Variants in ANK2 observed in about 807,000 individuals in gnomAD.
The protein encoded by ANK2 is ankyrin-2.
ANK2 carries 83 observed loss-of-function variants against 360.5 expected under a neutral mutation model. The observed-to-expected ratio is 0.23, with a 90% CI of 0.19 to 0.28. ANK2 has a LOEUF of 0.28. ANK2 is among the 10% of genes least tolerant of loss of function. The pLI, the probability that ANK2 is intolerant of heterozygous loss-of-function variation, is 1.00. For missense variants in ANK2, 4,201 were observed against 4,795.7 expected, an observed-to-expected ratio of 0.88 and a Z score of 3.66; for synonymous variants, 1,740 against 1,759.5, an observed-to-expected ratio of 0.99 and a Z score of 0.28.
intron 1 of ANK2, among the ~76,000 whole-genome samples, chr4:113,164,574 C>G (rs1301797932): frequency 6.6e-6 from 1 of 152,198 alleles, no homozygotes; most frequent in Non-Finnish European, 1.5e-5. Context: ...AGCAGATGGT[C>G]TCTGAAGCTG....
rs1334949502 is a variant in ANK2 at position 113,330,357 on chromosome 4, C to T, written c.3012C>T (p.Val1004=). 6.2e-7 allele frequency: 1 copy of T among 1,614,114 alleles called. No homozygotes were observed. Among genetic ancestry groups the T allele is most frequent in the Non-Finnish European group, 8.5e-7 (1 of 1,180,056 alleles). ...GGAAATGTACTGCTCCAACGCGAGT[C>T]ACCTGCCGACTGGTCAAGCGCCACA... The part of the protein sequence containing the change: ...PPRKCTAPTR[V]TCRLVKRHRL... Residue 1004 remains valine, a synonymous_variant, in exon 27 of 46, where the codon GTC becomes GTT. Transcript: ENST00000357077.
At chr4:112,966,956 C>T (rs1217798027) in intron 2 of ANK2, among the ~76,000 whole-genome samples, 1 of 152,152 alleles carries the variant, frequency 6.6e-6, no homozygotes, top group Non-Finnish European at 1.5e-5. Context: ...GGGAGCATGT[C>T]AAGCAAATTG....
In ANK2 at chr4:113,381,731, A is replaced by T; in HGVS notation, c.*260A>T. On this transcript the variant is annotated 3_prime_UTR_variant, in exon 46 of 46. Transcript: ENST00000357077. ...GGGGAGTGACCTAACTGGCCTAATT[A>T]ATGGGATACCCCGACATTTCCACTG... 7.4e-7 allele frequency: 1 copy of T among 1,345,338 alleles called. No homozygotes were observed. The highest frequency in any genetic ancestry group is 1.0e-6 in the Non-Finnish European group (1 of 984,140). The allele number at this position is 1,345,338 out of a possible 1,614,324, so 83.3% of individuals were successfully genotyped here.
intron 45 of ANK2, among the ~76,000 whole-genome samples, chr4:113,376,127 G>T (rs1032766535): frequency 2.0e-5 from 3 of 152,146 alleles, no homozygotes; most frequent in Non-Finnish European, 4.4e-5. Flanking sequence ...GGCATAAGTG[G>T]GTTTTAATGA....
intron 1 of ANK2, among the ~76,000 whole-genome samples, chr4:112,847,310 TTCTC>T (rs914054739): frequency 2.0e-5 from 3 of 152,182 alleles, no homozygotes; most frequent in Admixed American, 6.5e-5. Context: ...CCTACCACTT[TTCTC>T]TCTCTCAGTG....
At chr4:113,183,887 T>C (rs1455163652) in intron 2 of ANK2, among the ~76,000 whole-genome samples, 4 of 150,738 alleles carry the variant, frequency 2.7e-5, no homozygotes, top group African/African-American at 9.9e-5. Context: ...GGACAAGGAA[T>C]GGCATCAAGA....
At chr4:112,726,217 G>A in the ANK2 span, among the ~76,000 whole-genome samples, 1 of 152,192 alleles carries the variant, frequency 6.6e-6, no homozygotes, top group Admixed American at 6.6e-5. Context: ...CATGATAGGA[G>A]AGGAGAGTGG....
chr4:112,866,207 GTCC>G (rs2150180258), intron 1 of ANK2, among the ~76,000 whole-genome samples: 1 of 152,244 alleles, frequency 6.6e-6, no homozygotes, highest in East Asian at 1.9e-4. Flanking sequence ...TGTAATTTAT[GTCC>G]TCCTATCTCC....
intron 1 of ANK2, among the ~76,000 whole-genome samples, chr4:113,132,288 C>T (rs775768608): frequency 2.0e-5 from 3 of 151,866 alleles, no homozygotes; most frequent in Non-Finnish European, 4.4e-5. Flanking sequence ...AATGCATTTC[C>T]GTTTTTATAT....
At chr4:112,771,379 A>C in the ANK2 span, among the ~76,000 whole-genome samples, 2 of 152,138 alleles carry the variant, frequency 1.3e-5, no homozygotes, top group Non-Finnish European at 2.9e-5. Flanking sequence ...CAGCCTCCTA[A>C]AGTGCTGGGA....
intron 1 of ANK2, among the ~76,000 whole-genome samples, chr4:113,076,290 T>C (rs968172968): frequency 6.6e-6 from 1 of 152,248 alleles, no homozygotes; most frequent in South Asian, 2.1e-4. Context: ...CTTGGCCGCA[T>C]GTGGCCTGCG....
At chr4:112,838,815 G>C (rs1300588417) in intron 1 of ANK2, among the ~76,000 whole-genome samples, 5 of 152,230 alleles carry the variant, frequency 3.3e-5, no homozygotes, top group Non-Finnish European at 7.3e-5. Flanking sequence ...GTTGCCGTGA[G>C]TCGAGATTGT....
At chr4:113,363,019 A>AC (rs1361806463) in intron 39 of ANK2, among the ~76,000 whole-genome samples, 41 of 152,212 alleles carry the variant, frequency 2.7e-4, no homozygotes, top group Admixed American at 2.0e-3. Context: ...CTTGCTTAAA[A>AC]GTATAAGCAA....
chr4:113,144,743 A>G (rs1192840577), intron 1 of ANK2, among the ~76,000 whole-genome samples: 2 of 147,746 alleles, frequency 1.4e-5, no homozygotes, highest in East Asian at 1.9e-4. Flanking sequence ...TAATATTTAT[A>G]TTAATATATT....
intron 1 of ANK2, among the ~76,000 whole-genome samples, chr4:112,828,801 G>A (rs1246987412): frequency 6.6e-6 from 1 of 152,158 alleles, no homozygotes; most frequent in Non-Finnish European, 1.5e-5. Flanking sequence ...TCCAGCAAAC[G>A]TCTAATATCC....
At chr4:113,330,939 T>C (rs2092291796) in intron 27 of ANK2, among the ~76,000 whole-genome samples, 2 of 152,234 alleles carry the variant, frequency 1.3e-5, no homozygotes, top group African/African-American at 2.4e-5. Context: ...GATTTTTTTT[T>C]CAGCTATCAA....
chr4:113,373,044 A>G, intron 43 of ANK2, 46 bp from the exon 44 acceptor site: 1 of 1,498,210 alleles, frequency 6.7e-7, no homozygotes. Flanking sequence ...AGTTCCTCAG[A>G]ATTGGTGCCA....
In ANK2 at chr4:113,032,671, A is replaced by C. The variant is rs141894763; in HGVS notation, c.21+128157A>C. On this transcript the variant is annotated intron_variant, in intron 2 of 30. Transcript: ENST00000503271. ...ATTCAAAGTCAGTGATACCAGTGAA[A>C]GATTTAAAAATCACTTTAGAGAGAA... Among the ~76,000 whole-genome samples the C allele has an allele frequency of 6.0e-3, 908 of 152,214 alleles. 7 individuals are homozygous for C. The highest frequency in any genetic ancestry group is 0.021 in the African/African-American group (862 of 41,548).
At chr4:113,198,930 A>G (rs1410273914) in intron 3 of ANK2, 81 bp from the exon 4 acceptor site, 37 of 1,097,826 alleles carry the variant, frequency 3.4e-5, no homozygotes, top group Non-Finnish European at 5.0e-5. Context: ...GTGATTAGTG[A>G]AGTTGAAAAA....
Sources: gnomAD v4.1 joint callset for allele counts (sites outside exome capture counted in the v4.1 genomes callset) on GRCh38, gnomAD v4.1.1 for gene constraint, MANE v1.5 for transcripts, NCBI Gene and HGNC (gene_info 2026-07-23, HGNC 2026-07-21) for gene names.